MACROD2: variants seen among roughly 807,000 people sequenced by gnomAD.
MACROD2 encodes the protein mono-ADP ribosylhydrolase 2.
A neutral mutation model predicts 70.4 loss-of-function variants in MACROD2; 36 were observed. The observed-to-expected ratio is 0.51, with a 90% CI of 0.39 to 0.68. The LOEUF is 0.68. Ranked by LOEUF, MACROD2 falls within the 30% of genes least tolerant of loss-of-function variation. MACROD2 has a pLI of 0.00. For synonymous variants in MACROD2, 172 were observed against 178.8 expected (o/e 0.96, Z 0.30); for missense variants, 496 against 538.4 (o/e 0.92, Z 0.78).
At chr20:14,496,299 A>G (rs2084852539) in intron 4 of MACROD2, among the ~76,000 whole-genome samples, 1 of 152,244 alleles carries the variant, frequency 6.6e-6, no homozygotes, top group South Asian at 2.1e-4. Flanking sequence ...ACATACAAAA[A>G]TAATAATGGG....
At chr20:14,822,999 A>G (rs2072863841) in intron 5 of MACROD2, among the ~76,000 whole-genome samples, 1 of 152,148 alleles carries the variant, frequency 6.6e-6, no homozygotes, top group Non-Finnish European at 1.5e-5. Context: ...TTCTCAAAGT[A>G]TACTTAAATG....
chr20:15,356,545 G>T (rs776013458), intron 6 of MACROD2, among the ~76,000 whole-genome samples: 1 of 152,146 alleles, frequency 6.6e-6, no homozygotes. Flanking sequence ...CACTTTGGGA[G>T]GCTGAGGTGG....
At chr20:15,677,389 T>C (rs981430007) in intron 8 of MACROD2, among the ~76,000 whole-genome samples, 1 of 151,350 alleles carries the variant, frequency 6.6e-6, no homozygotes, top group Non-Finnish European at 1.5e-5. Flanking sequence ...GGAAGTGGGG[T>C]GGAGGTTTGT....
rs191764327 is a variant in MACROD2, at chr20:15,321,806, T to G, written c.540+91745T>G. 1.7e-4 allele frequency among the ~76,000 whole-genome samples: 25 copies of G among 144,476 alleles called. 4 individuals are homozygous for G. Among genetic ancestry groups the G allele is most frequent in the Admixed American group, 7.7e-4 (11 of 14,368 alleles). 94.8% of individuals were successfully genotyped at this position (144,476 alleles called of 152,430 possible). ...ATATCCATTTTTTGTTGTTGTTGTT[T>G]TTTTGAGACAGAGTCTCACTCTGTT... On this transcript the variant is annotated intron_variant, in intron 6 of 17. Transcript: ENST00000684519.
At chr20:15,352,993 A>G (rs2146227449) in intron 6 of MACROD2, among the ~76,000 whole-genome samples, 1 of 151,998 alleles carries the variant, frequency 6.6e-6, no homozygotes, top group South Asian at 2.1e-4. Flanking sequence ...ACAGAATTGG[A>G]AAAAACTACT....
chr20:15,533,256 CCTTGGGAAGAACAATTTTG>C (rs1185699093), intron 8 of MACROD2, among the ~76,000 whole-genome samples: 1 of 152,100 alleles, frequency 6.6e-6, no homozygotes, highest in African/African-American at 2.4e-5. Flanking sequence ...ATGGTATTTT[CCTTGGGAAGAACAATTTTG>C]GTGGTCCCAT....
intron 3 of MACROD2, among the ~76,000 whole-genome samples, chr20:14,370,928 A>G (rs1338880711): frequency 1.3e-5 from 2 of 152,208 alleles, no homozygotes; most frequent in Non-Finnish European, 2.9e-5. Flanking sequence ...TTAAATAATT[A>G]TTATTCATAG....
chr20:15,265,217 CCTT>C (rs2077283089), intron 6 of MACROD2, among the ~76,000 whole-genome samples: 1 of 152,194 alleles, frequency 6.6e-6, no homozygotes, highest in African/African-American at 2.4e-5. Context: ...CAGGTTTTCT[CCTT>C]CTGCTTTGGT....
intron 5 of MACROD2, among the ~76,000 whole-genome samples, chr20:15,058,390 T>C (rs940269350): frequency 6.6e-6 from 1 of 152,154 alleles, no homozygotes; most frequent in Non-Finnish European, 1.5e-5. Context: ...TTCTTCTCAA[T>C]AGGGTTGCCA....
chr20:15,511,180 A>T (rs1034463994), intron 8 of MACROD2, among the ~76,000 whole-genome samples: 1 of 152,230 alleles, frequency 6.6e-6, no homozygotes, highest in African/African-American at 2.4e-5. Flanking sequence ...GGAGCTATGC[A>T]CGCATATATC....
intron 3 of MACROD2, among the ~76,000 whole-genome samples, chr20:14,283,484 T>A (rs1300715148): frequency 6.6e-6 from 1 of 152,174 alleles, no homozygotes; most frequent in African/African-American, 2.4e-5. Context: ...ATGTTTATTC[T>A]CCAAGAGTGC....
At chr20:14,942,010 G>T (rs568216881) in intron 5 of MACROD2, among the ~76,000 whole-genome samples, 1 of 151,330 alleles carries the variant, frequency 6.6e-6, no homozygotes, top group South Asian at 2.1e-4. Flanking sequence ...TGTTGTTCAG[G>T]CTGGTCTCAA....
chr20:14,116,332 C>T (rs78129113), intron 3 of MACROD2, among the ~76,000 whole-genome samples: 3,476 of 152,282 alleles, frequency 0.023, 49 homozygotes, highest in Middle Eastern at 0.054. Flanking sequence ...GCAGAGACTG[C>T]GTTATCCGTT....
intron 8 of MACROD2, among the ~76,000 whole-genome samples, chr20:15,541,485 T>C (rs1273725788): frequency 2.0e-5 from 3 of 152,262 alleles, no homozygotes; most frequent in Middle Eastern, 3.4e-3. Context: ...AGGCCAAACG[T>C]GGTTAATAGA....
At chr20:16,031,003 C>T (rs1227126001) in intron 15 of MACROD2, among the ~76,000 whole-genome samples, 1 of 152,048 alleles carries the variant, frequency 6.6e-6, no homozygotes, top group East Asian at 1.9e-4. Flanking sequence ...TGGCACATGA[C>T]ATGTCACTTA....
At chr20:15,877,722 T>C (rs990617303) in intron 9 of MACROD2, among the ~76,000 whole-genome samples, 56 of 152,184 alleles carry the variant, frequency 3.7e-4, no homozygotes, top group African/African-American at 1.3e-3. Flanking sequence ...TATTTCTTTT[T>C]TCTGCAAATC....
At chr20:14,899,031 T>C (rs1159444110) in intron 5 of MACROD2, among the ~76,000 whole-genome samples, 2 of 152,204 alleles carry the variant, frequency 1.3e-5, no homozygotes, top group African/African-American at 4.8e-5. Flanking sequence ...ATTGTCAACA[T>C]GACTAACTCC....
intron 5 of MACROD2, among the ~76,000 whole-genome samples, chr20:14,768,686 G>A (rs545005435): frequency 1.3e-5 from 2 of 151,214 alleles, no homozygotes; most frequent in East Asian, 2.0e-4. Context: ...GTGTGATCTC[G>A]GCTCACTGCA....
At chr20:15,555,014 A>G (rs1600582718) in intron 8 of MACROD2, among the ~76,000 whole-genome samples, 1 of 152,212 alleles carries the variant, frequency 6.6e-6, no homozygotes, top group South Asian at 2.1e-4. Context: ...CTACATTTCT[A>G]TCAGTGGAAT....
Sources: allele counts gnomAD v4.1 joint callset (sites outside exome capture counted in the v4.1 genomes callset), GRCh38; gene constraint gnomAD v4.1.1; transcripts MANE v1.5; gene names NCBI Gene and HGNC (gene_info 2026-07-23, HGNC 2026-07-21).